LITAF: variants seen among roughly 807,000 people sequenced by gnomAD.
The protein encoded by LITAF is lipopolysaccharide induced TNF factor.
In LITAF, 9 loss-of-function variants were observed where a neutral mutation model predicts 14.5. The observed-to-expected ratio is 0.62, with a 90% CI of 0.37 to 1.08. The LOEUF (loss-of-function observed/expected upper bound fraction) is 1.08. LITAF is among the 50% of genes least tolerant of loss of function. The probability of loss-of-function intolerance (pLI) is 0.01; values close to 1 mark genes in which losing one functional copy is unlikely to be tolerated. For synonymous variants in LITAF, 98 were observed against 88.2 expected (o/e 1.11, Z -0.62); for missense variants, 206 against 213.4 (o/e 0.97, Z 0.22).
chr16:11,575,597 G>C (rs1309880401), intron 1 of LITAF: 1 of 152,194 alleles, frequency 6.6e-6, no homozygotes, highest in Non-Finnish European at 1.5e-5. Flanking sequence ...CTGCCAAGAA[G>C]GAGAGTTCAG....
At chr16:11,612,730 G>A (rs962959184) in intron 3 of LITAF, among the ~76,000 whole-genome samples, 11 of 151,326 alleles carry the variant, frequency 7.3e-5, no homozygotes, top group East Asian at 2.0e-4. Flanking sequence ...GTTTGTCCAC[G>A]TCCTTGAGAA....
At chr16:11,552,410 A>G (rs765129434) in intron 3 of LITAF, among the ~76,000 whole-genome samples, 1 of 152,270 alleles carries the variant, frequency 6.6e-6, no homozygotes, top group African/African-American at 2.4e-5. Flanking sequence ...GGCAATGGGA[A>G]AAATACTTCG....
At chr16:11,578,590 C>T (rs2064682020) in intron 1 of LITAF, among the ~76,000 whole-genome samples, 1 of 152,122 alleles carries the variant, frequency 6.6e-6, no homozygotes, top group Non-Finnish European at 1.5e-5. Context: ...CTCCTTTTCA[C>T]TCTCTCTCTT....
intron 1 of LITAF, among the ~76,000 whole-genome samples, chr16:11,570,101 C>T (rs1368083454): frequency 6.6e-6 from 1 of 151,838 alleles, no homozygotes; most frequent in Non-Finnish European, 1.5e-5. Context: ...AACTCTAAGA[C>T]CCAGGCTCCT....
intron 3 of LITAF, chr16:11,551,728 A>T: frequency 1.5e-6 from 1 of 679,552 alleles, no homozygotes. Context: ...GGTACTCAGG[A>T]GGCTGAGCTG....
chr16:11,584,263 T>G (rs1375049558), intron 1 of LITAF: 1 of 151,778 alleles, frequency 6.6e-6, no homozygotes, highest in Non-Finnish European at 1.5e-5. Flanking sequence ...CAAGTCACAG[T>G]GCCAAGAATA....
At chr16:11,625,778 G>A (rs1489896467) in intron 3 of LITAF, among the ~76,000 whole-genome samples, 4 of 152,040 alleles carry the variant, frequency 2.6e-5, no homozygotes, top group Non-Finnish European at 4.4e-5. Context: ...GTGTGCCCGC[G>A]CTGGAGACAG....
upstream of LITAF, among the ~76,000 whole-genome samples, chr16:11,591,028 C>T (rs146244446): frequency 8.5e-6 from 1 of 117,584 alleles, no homozygotes; most frequent in Non-Finnish European, 1.7e-5. Flanking sequence ...CCACCGTGCC[C>T]GGCCCAGGTC....
chr16:11,577,499 G>A (rs778976847), intron 1 of LITAF, among the ~76,000 whole-genome samples: 3 of 151,780 alleles, frequency 2.0e-5, no homozygotes, highest in Non-Finnish European at 4.4e-5. Flanking sequence ...TGTACTTTTA[G>A]TAGAGATGAG....
intron 1 of LITAF, among the ~76,000 whole-genome samples, chr16:11,557,115 G>T (rs1345242370): frequency 6.6e-6 from 1 of 150,602 alleles, no homozygotes; most frequent in Non-Finnish European, 1.5e-5. Context: ...AACCACTGTG[G>T]TTTTCACTAA....
At chr16:11,610,667 A>G (rs908588643) in intron 3 of LITAF, among the ~76,000 whole-genome samples, 1 of 152,210 alleles carries the variant, frequency 6.6e-6, no homozygotes, top group Non-Finnish European at 1.5e-5. Context: ...CCCAGTGGTC[A>G]TAATCTAGAA....
chr16:11,585,674 A>G (rs1345442), intron 1 of LITAF, among the ~76,000 whole-genome samples: 69,080 of 152,036 alleles, frequency 0.45, 16,570 homozygotes, highest in Non-Finnish European at 0.54. Context: ...GGGCAGATGA[A>G]GCAGCCAAGC....
intron 1 of LITAF, among the ~76,000 whole-genome samples, chr16:11,564,638 A>G (rs574123199): frequency 6.6e-6 from 1 of 151,890 alleles, no homozygotes; most frequent in African/African-American, 2.4e-5. Context: ...CACGTTCATG[A>G]TTATGGTATC....
At chr16:11,565,004 A>AGC (rs1394153206) in intron 1 of LITAF, among the ~76,000 whole-genome samples, 2 of 83,702 alleles carry the variant, frequency 2.4e-5, no homozygotes, top group Non-Finnish European at 5.1e-5. Flanking sequence ...GCACTGAATT[A>AGC]TCTTTTTTTT....
upstream of LITAF, among the ~76,000 whole-genome samples, chr16:11,588,370 G>A (rs142575182): frequency 4.8e-3 from 736 of 152,050 alleles, 4 homozygotes; most frequent in African/African-American, 0.017. Context: ...ATAAAGCGGT[G>A]GAGTGGTGGC....
chr16:11,580,568 C>G (rs1333260834), intron 1 of LITAF, among the ~76,000 whole-genome samples: 1 of 151,758 alleles, frequency 6.6e-6, no homozygotes, highest in East Asian at 1.9e-4. Flanking sequence ...AAGATCTTAA[C>G]TTAGGAGAGG....
At chr16:11,551,641 TA>T in intron 3 of LITAF, 1 of 573,302 alleles carries the variant, frequency 1.7e-6, no homozygotes, top group Non-Finnish European at 3.1e-6. Context: ...GGCAACATAG[TA>T]AAACCCCTGC....
At chr16:11,631,399 TTTG>T (rs921247870) in intron 3 of LITAF, among the ~76,000 whole-genome samples, 12 of 152,042 alleles carry the variant, frequency 7.9e-5, no homozygotes, top group East Asian at 1.9e-4. Flanking sequence ...CACATGGCTT[TTTG>T]TTGTTGTTGT....
upstream of LITAF, among the ~76,000 whole-genome samples, chr16:11,603,063 G>A (rs184809786): frequency 2.0e-5 from 3 of 152,272 alleles, no homozygotes; most frequent in Admixed American, 2.0e-4. Flanking sequence ...GCAGCGAGCT[G>A]TGATCACACC....
Sources: gnomAD v4.1 joint callset for allele counts (sites outside exome capture counted in the v4.1 genomes callset) on GRCh38, gnomAD v4.1.1 for gene constraint, MANE v1.5 for transcripts, NCBI Gene and HGNC (gene_info 2026-07-23, HGNC 2026-07-21) for gene names.